COG5: variants seen among roughly 807,000 people sequenced by gnomAD.
COG5 encodes the protein component of oligomeric golgi complex 5, also known as conserved oligomeric Golgi complex subunit 5.
A neutral mutation model predicts 110.4 loss-of-function variants in COG5; 86 were observed. That is an observed-to-expected ratio of 0.78 (90% CI 0.65 to 0.93). The LOEUF (loss-of-function observed/expected upper bound fraction) is 0.93. Among genes scored for constraint, COG5 ranks in the 40% least tolerant of loss-of-function variants. The pLI is 0.00. For synonymous variants in COG5, 360 were observed against 334.6 expected, an observed-to-expected ratio of 1.08 and a Z score of -0.83; for missense variants, 1,077 against 987.0, an observed-to-expected ratio of 1.09 and a Z score of -1.22.
intron 10 of COG5, among the ~76,000 whole-genome samples, chr7:107,351,325 C>T (rs1812113512): frequency 6.6e-6 from 1 of 152,212 alleles, no homozygotes; most frequent in Non-Finnish European, 1.5e-5. Flanking sequence ...GGATTAAAGA[C>T]TTACATGTTA....
intron 5 of COG5, among the ~76,000 whole-genome samples, chr7:107,543,130 C>T (rs914109863): frequency 3.3e-5 from 5 of 152,128 alleles, no homozygotes; most frequent in African/African-American, 1.2e-4. Flanking sequence ...CTTTCCAGGA[C>T]TCCAGCTTGC....
Position 107,281,195 on chromosome 7 carries a change from G to T in COG5, c.1575+105C>A, listed in dbSNP as rs140970365. The T allele has an allele frequency of 1.4e-4, 114 of 804,764 alleles. 1 individual carries two copies. The East Asian group carries it at 3.1e-3, about 22-fold the overall frequency. 49.9% of individuals were successfully genotyped at this position (804,764 alleles called of 1,614,324 possible). On this transcript the variant is annotated intron_variant, in intron 14 of 21. Transcript: ENST00000297135. ...ACAAACTTTCACTACAGTAAAAATG[G>T]AAGTAAGTAAATAGTCAATTCAATA...
At chr7:107,222,205 CTT>C (rs796500223) in intron 19 of COG5, among the ~76,000 whole-genome samples, 2 of 145,512 alleles carry the variant, frequency 1.4e-5, no homozygotes, top group Admixed American at 6.9e-5. Context: ...CTGTCCCCCC[CTT>C]TTTTTTTTTT....
chr7:107,353,424 C>CAAAAAAAA (rs1169669994), intron 10 of COG5, among the ~76,000 whole-genome samples: 6 of 84,046 alleles, frequency 7.1e-5, no homozygotes, highest in African/African-American at 1.7e-4. Context: ...GACTCCGTCT[C>CAAAAAAAA]AAAAAAAAAA....
chr7:107,308,356 G>C (rs551307901), intron 11 of COG5, among the ~76,000 whole-genome samples: 1 of 152,168 alleles, frequency 6.6e-6, no homozygotes, highest in Non-Finnish European at 1.5e-5. Context: ...CACTGTCCAA[G>C]TGATTCTAAA....
At chr7:107,429,036 T>C (rs985341218) in intron 6 of COG5, among the ~76,000 whole-genome samples, 41 of 152,318 alleles carry the variant, frequency 2.7e-4, no homozygotes, top group African/African-American at 7.7e-4. Context: ...ACCATGAACA[T>C]TTCTTGTCTG....
intron 10 of COG5, among the ~76,000 whole-genome samples, chr7:107,349,695 C>T (rs1423428124): frequency 6.6e-6 from 1 of 151,978 alleles, no homozygotes; most frequent in East Asian, 1.9e-4. Flanking sequence ...GTAGCTGGTA[C>T]TACAGGCGCC....
In COG5 at chr7:107,201,384, C is replaced by T; in HGVS notation, c.*2132G>A. ...GGATTACTATGTATTGATTTGTAAA[C>T]ATTCACTGAGTTTAATTTTATTTCC... On this transcript the variant is annotated 3_prime_UTR_variant, in exon 22 of 22. Coordinates refer to ENST00000297135, the MANE Select transcript of COG5 (RefSeq NM_006348.5). The T allele has an allele frequency of 2.7e-6, 4 of 1,460,126 alleles. No individual in the cohort carries two copies. The East Asian group carries it at 9.1e-5, about 33-fold the overall frequency. 90.4% of individuals were successfully genotyped at this position (1,460,126 alleles called of 1,614,324 possible). A position where few individuals can be genotyped will look rare whatever the true frequency, so the allele number is the denominator to read the frequency against.
chr7:107,209,057 G>C, intron 21 of COG5: 1 of 984,168 alleles, frequency 1.0e-6, no homozygotes, highest in Non-Finnish European at 1.2e-6. Context: ...CTATGTAAAT[G>C]ATTCTTGTGT....
intron 19 of COG5, among the ~76,000 whole-genome samples, chr7:107,228,236 G>C (rs1404289703): frequency 2.0e-5 from 3 of 151,058 alleles, no homozygotes; most frequent in Non-Finnish European, 4.4e-5. Context: ...GCAAGGTGGA[G>C]GTTGCAGTAA....
At chr7:107,444,749 A>G (rs959861051) in intron 6 of COG5, among the ~76,000 whole-genome samples, 1 of 152,208 alleles carries the variant, frequency 6.6e-6, no homozygotes, top group Non-Finnish European at 1.5e-5. Context: ...CACATAAGAA[A>G]CACATCAAAA....
chr7:107,282,874 A>G (rs1224602961), intron 13 of COG5, among the ~76,000 whole-genome samples: 1 of 152,342 alleles, frequency 6.6e-6, no homozygotes, highest in East Asian at 1.9e-4. Flanking sequence ...AATCTTTAAA[A>G]GAATTTAGAC....
intron 6 of COG5, among the ~76,000 whole-genome samples, chr7:107,488,335 T>C (rs1412938256): frequency 1.3e-5 from 2 of 151,960 alleles, no homozygotes; most frequent in African/African-American, 4.8e-5. Context: ...GTCTTCTGGA[T>C]ACAATATTTA....
intron 11 of COG5, among the ~76,000 whole-genome samples, chr7:107,311,732 C>G (rs1163117131): frequency 6.6e-6 from 1 of 152,008 alleles, no homozygotes; most frequent in Non-Finnish European, 1.5e-5. Flanking sequence ...TTTTAATTCC[C>G]ATTTTAGAAG....
chr7:107,264,108 A>G (rs1448409568), intron 14 of COG5, among the ~76,000 whole-genome samples: 1 of 152,216 alleles, frequency 6.6e-6, no homozygotes. Context: ...GATACTATGG[A>G]AACACTTCTA....
rs372020785 is a variant in COG5 at position 107,303,919 on chromosome 7, G to C, written c.1109-5573C>G. Among the ~76,000 whole-genome samples the C allele has an allele frequency of 2.6e-5, 4 of 152,186 alleles. No individual in the cohort carries two copies. The East Asian group carries it at 7.7e-4, about 29-fold the overall frequency. ...CAGTTACCTGGGAATGTATTATTCAGATTATTGCCTTGTGCAAACTTGTTT... is the reference window on the plus strand; with the variant it reads ...CAGTTACCTGGGAATGTATTATTCACATTATTGCCTTGTGCAAACTTGTTT... On this transcript the variant is annotated intron_variant, in intron 11 of 21. Transcript: ENST00000297135.
At chr7:107,354,032 TA>T (rs1812408458) in intron 10 of COG5, among the ~76,000 whole-genome samples, 1 of 152,130 alleles carries the variant, frequency 6.6e-6, no homozygotes, top group Non-Finnish European at 1.5e-5. Flanking sequence ...TTTTGTCTGC[TA>T]AAAAAAGTAT....
chr7:107,288,901 A>G (rs1259432911), intron 12 of COG5, among the ~76,000 whole-genome samples: 1 of 113,004 alleles, frequency 8.8e-6, no homozygotes, highest in African/African-American at 3.2e-5. Context: ...TATGTTTTCT[A>G]ACAGAGATAT....
At chr7:107,385,579 A>G (rs1001899523) in intron 7 of COG5, among the ~76,000 whole-genome samples, 4 of 152,194 alleles carry the variant, frequency 2.6e-5, no homozygotes, top group Non-Finnish European at 5.9e-5. Flanking sequence ...CCTTGAGGAC[A>G]TTTTGCTAAG....
Sources: allele counts gnomAD v4.1 joint callset (sites outside exome capture counted in the v4.1 genomes callset), GRCh38; gene constraint gnomAD v4.1.1; transcripts MANE v1.5; gene names NCBI Gene and HGNC (gene_info 2026-07-23, HGNC 2026-07-21).